TNXB: variants seen among roughly 807,000 people sequenced by gnomAD.
The protein encoded by TNXB is tenascin XB, also known as tenascin-X.
TNXB carries 183 observed loss-of-function variants against 340.5 expected under a neutral mutation model. The ratio of observed to expected loss-of-function variants is 0.54; its 90% CI spans 0.48 to 0.61. The LOEUF (loss-of-function observed/expected upper bound fraction) is 0.61, where lower values mean the gene tolerates loss of function less well. TNXB is among the 20% of genes least tolerant of loss of function. The pLI is 0.00. For missense variants in TNXB, 4,613 were observed against 5,446.4 expected (o/e 0.85, Z 4.82); for synonymous variants, 2,121 against 2,314.5 (o/e 0.92, Z 2.40).
chr6:32,049,172 C>T lies in TNXB; in HGVS notation c.9757+98G>A, dbSNP rs1024119251. ...AGCAACATGGGAGAAAAGACAGAAA[C>T]CTAGAGGCCCAGTCAAAAGAGGTGC... On this transcript the variant is annotated intron_variant, in intron 28 of 43. Transcript: ENST00000644971. This position sits in a 1 kb window ranked among gnomAD's most constrained non-coding sequence, Gnocchi z 4.5. 5 of 1,434,696 alleles carry T rather than the reference C, an allele frequency of 3.5e-6. No individual in the cohort carries two copies. Among genetic ancestry groups the T allele is most frequent in the Non-Finnish European group, 4.6e-6 (5 of 1,085,746 alleles). The allele number at this position is 1,434,696 out of a possible 1,614,324, so 88.9% of individuals were successfully genotyped here. A position where few individuals can be genotyped will look rare whatever the true frequency, so the allele number is the denominator to read the frequency against.
chr6:32,079,486 T>A lies in TNXB; in HGVS notation c.4043-121A>T, dbSNP rs1779317611. ...GGCTCTGTAGCCTTTGTATTTGCCATTCGGTCACTCACGGATGGAGAAGGC... is the reference window on the plus strand; with the variant it reads ...GGCTCTGTAGCCTTTGTATTTGCCAATCGGTCACTCACGGATGGAGAAGGC... On this transcript the variant is annotated intron_variant, in intron 10 of 43. Coordinates refer to ENST00000644971, the MANE Select transcript of TNXB (RefSeq NM_001365276.2). The surrounding 1 kb of genome is among the most constrained non-coding windows in gnomAD (Gnocchi z 7.1). 1 of 841,298 alleles carries A rather than the reference T, an allele frequency of 1.2e-6. No homozygotes were observed. The highest frequency in any genetic ancestry group is 2.9e-5 in the Admixed American group (1 of 34,204). The allele number at this position is 841,298 out of a possible 1,614,324, so 52.1% of individuals were successfully genotyped here. A position where few individuals can be genotyped will look rare whatever the true frequency, so the allele number is the denominator to read the frequency against.
intron 22 of TNXB, among the ~76,000 whole-genome samples, chr6:32,057,827 C>T (rs757158436): frequency 2.6e-5 from 4 of 152,152 alleles, no homozygotes; most frequent in Admixed American, 6.5e-5. Flanking sequence ...GTGACTTAGG[C>T]GTCCCTGTCT....
chr6:32,046,068 C>T lies in TNXB; in HGVS notation c.10606+107G>A, dbSNP rs928277853. The T allele has an allele frequency of 5.1e-5, 75 of 1,480,214 alleles. No individual in the cohort carries two copies. The highest frequency in any genetic ancestry group is 2.8e-4 in the East Asian group (12 of 42,620). The allele number at this position is 1,480,214 out of a possible 1,614,324, so 91.7% of individuals were successfully genotyped here. The stretch of plus-strand genomic sequence containing the variant: ...CCTCCTTCCTGGGGACAGGCCAGGG[C>T]GCCCCACTCCGGCCTGCCCACTCCT... On this transcript the variant is annotated intron_variant, in intron 31 of 43. Coordinates refer to ENST00000644971, the MANE Select transcript of TNXB (RefSeq NM_001365276.2). The surrounding 1 kb of genome is among the most constrained non-coding windows in gnomAD (Gnocchi z 6.9).
chr6:32,048,379 A>G lies in TNXB; in HGVS notation c.10029T>C (p.Pro3343=), dbSNP rs1777034329. Residue 3343 remains proline, a synonymous_variant, in exon 29 of 44, where the codon CCT becomes CCC. Transcript: ENST00000644971. The part of the protein sequence containing the change: ...LQNGKRHGPV[P]VEARTAPDTK... Reference sequence around the variant, plus strand: ...CTCACTCACCGGTCCTGGCCTCCACAGGGACTGGGCCGTGGCGTTTCCCAT... The same window carrying G: ...CTCACTCACCGGTCCTGGCCTCCACGGGGACTGGGCCGTGGCGTTTCCCAT... The G allele has an allele frequency of 2.0e-6, 3 of 1,504,374 alleles. No individual in the cohort carries two copies. The highest frequency in any genetic ancestry group is 1.8e-6 in the Non-Finnish European group (2 of 1,123,616). 93.2% of individuals were successfully genotyped at this position (1,504,374 alleles called of 1,614,324 possible).
chr6:32,095,951 C>T lies in TNXB; in HGVS notation c.1902G>A (p.Gly634=). 6.2e-7 allele frequency: 1 copy of T among 1,613,064 alleles called. No homozygotes were observed. Among genetic ancestry groups the T allele is most frequent in the East Asian group, 2.2e-5 (1 of 44,864 alleles). Reference sequence around the variant, plus strand: ...TGTAGCCTGGGTCGCACAGGCAGCGCCCTTCCTCACAGCGGCCCCTCCCGT... The same window carrying T: ...TGTAGCCTGGGTCGCACAGGCAGCGTCCTTCCTCACAGCGGCCCCTCCCGT... ...NCHGRGRCEE[G]RCLCDPGYTG... Residue 634 remains glycine, a synonymous_variant, in exon 3 of 44, where the codon GGG becomes GGA. Coordinates refer to ENST00000644971, the MANE Select transcript of TNXB (RefSeq NM_001365276.2).
chr6:32,107,094 G>A (rs1351058079), intron 1 of TNXB, among the ~76,000 whole-genome samples: 1 of 152,244 alleles, frequency 6.6e-6, no homozygotes, highest in Non-Finnish European at 1.5e-5. Flanking sequence ...GCAGCTCTGT[G>A]AGTGAAAGAA....
At position 32,062,352 on chromosome 6, in the gene TNXB, C is replaced by A. The variant is rs140304758; in HGVS notation, c.6973G>T (p.Val2325Phe). Residue 2325 changes from valine (V) to phenylalanine (F), a missense_variant, in exon 20 of 44, where the codon GTT becomes TTT. Physicochemically the swap from Val to Phe is conservative, Grantham distance 50. Around this residue, in one of 7 missense-constraint regions of TNXB, gnomAD observed 4,327 missense variants for 4,859.4 expected, o/e 0.89. Coordinates refer to ENST00000644971, the MANE Select transcript of TNXB (RefSeq NM_001365276.2). This position sits in a 1 kb window ranked among gnomAD's most constrained non-coding sequence, Gnocchi z 4.3. ...AAGTGGTCAAACTGTCCCTCGGGAACCGTCCAGGACAGGCTGAGGGAGTCA... is the reference window on the plus strand; with the variant it reads ...AAGTGGTCAAACTGTCCCTCGGGAAACGTCCAGGACAGGCTGAGGGAGTCA... ...TPDSLSLSWT[V>F]PEGQFDHFLV... 3.1e-6 allele frequency: 5 copies of A among 1,613,442 alleles called. No individual in the cohort carries two copies. In the African/African-American group the frequency reaches 5.3e-5, roughly 17 times the overall value.
At chr6:32,057,498 C>T (rs1777736909) in intron 22 of TNXB, among the ~76,000 whole-genome samples, 1 of 152,206 alleles carries the variant, frequency 6.6e-6, no homozygotes, top group Admixed American at 6.5e-5. Flanking sequence ...TCTTCAGCCC[C>T]CACGGATGAG....
Position 32,068,878 on chromosome 6 carries a change from A to G in TNXB, c.5846T>C (p.Leu1949Pro), listed in dbSNP as rs1345295731. ...ATGCTTCCCATCACTGAAACCATACAGGGTCACCAGGTATCTGTGGTCGGA... is the reference window on the plus strand; with the variant it reads ...ATGCTTCCCATCACTGAAACCATACGGGGTCACCAGGTATCTGTGGTCGGA... ...LESDHRYLVTLYGFSDGKHVG... is the reference protein window; with the variant it reads ...LESDHRYLVTPYGFSDGKHVG... Residue 1949 changes from leucine (L) to proline (P), a missense_variant, in exon 16 of 44, where the codon CTG becomes CCG. Physicochemically the swap from Leu to Pro is moderately conservative, Grantham distance 98 (BLOSUM62 -3). Coordinates refer to ENST00000644971, the MANE Select transcript of TNXB (RefSeq NM_001365276.2). The surrounding 1 kb of genome is among the most constrained non-coding windows in gnomAD (Gnocchi z 5.3). 4 of 1,612,684 alleles carry G rather than the reference A, an allele frequency of 2.5e-6. No individual in the cohort carries two copies. Among genetic ancestry groups the G allele is most frequent in the Non-Finnish European group, 2.5e-6 (3 of 1,179,688 alleles).
rs188929359 is a variant in TNXB at position 32,078,805 on chromosome 6, G to A, written c.4375+228C>T. Among the ~76,000 whole-genome samples the A allele has an allele frequency of 2.2e-4, 33 of 152,330 alleles. 1 individual carries two copies. In the East Asian group the frequency reaches 5.2e-3, roughly 24 times the overall value. On this transcript the variant is annotated intron_variant, in intron 11 of 43. Coordinates refer to ENST00000644971, the MANE Select transcript of TNXB (RefSeq NM_001365276.2). ...TTAACCCTCACAATAACTCTGTGAGGTAGGTGTCCCCATTTTACGGACAAG... is the reference window on the plus strand; with the variant it reads ...TTAACCCTCACAATAACTCTGTGAGATAGGTGTCCCCATTTTACGGACAAG...
chr6:32,092,756 C>T (rs1780137631), intron 4 of TNXB, among the ~76,000 whole-genome samples: 2 of 151,906 alleles, frequency 1.3e-5, no homozygotes, highest in South Asian at 2.1e-4. Flanking sequence ...GCAGAAGGTA[C>T]GATGCCAGGG....
intron 31 of TNXB, chr6:32,045,797 G>A (rs1157261676): frequency 9.3e-7 from 1 of 1,071,228 alleles, no homozygotes; most frequent in Non-Finnish European, 1.1e-6. Context: ...GTTTTCCAGT[G>A]ATGTTCCTCT....
At position 32,062,840 on chromosome 6, in the gene TNXB, G is replaced by A. The variant is rs938810897; in HGVS notation, c.6842-357C>T. ...GGAGGCCGAGGCGGGCGGATCATGA[G>A]GTCAGGAGATTGAGACCATCCTGGC... is the stretch of plus-strand genomic sequence containing the variant. On this transcript the variant is annotated intron_variant, in intron 19 of 43. Transcript: ENST00000644971. The surrounding 1 kb of genome is among the most constrained non-coding windows in gnomAD (Gnocchi z 4.3). 7.9e-5 allele frequency among the ~76,000 whole-genome samples: 12 copies of A among 151,736 alleles called. No homozygotes were observed. Among genetic ancestry groups the A allele is most frequent in the Non-Finnish European group, 1.6e-4 (11 of 67,964 alleles).
intron 1 of TNXB, 108 bp from the exon 2 acceptor site, chr6:32,098,314 C>G: frequency 1.1e-6 from 1 of 917,614 alleles, no homozygotes; most frequent in East Asian, 2.7e-5. Context: ...GTAATCTACC[C>G]AACTCACATG....
At chr6:32,053,262 G>A (rs1777406280) in intron 25 of TNXB, 126 bp downstream of exon 25, 2 of 1,431,486 alleles carry the variant, frequency 1.4e-6, no homozygotes, top group Admixed American at 2.2e-5. Context: ...CAGGGAAGTG[G>A]GGAAAGACAA....
rs1778517594 is a variant in TNXB, at chr6:32,068,280, G to A, written c.6220+110C>T. ...GGAGCCCCAGCCCCAGCCACAAGCA[G>A]GTCTGTGGTGCTGACCAGACCCTTG... On this transcript the variant is annotated intron_variant, in intron 17 of 43. Transcript: ENST00000644971. The surrounding 1 kb of genome is among the most constrained non-coding windows in gnomAD (Gnocchi z 5.3). 4 of 1,449,000 alleles carry A rather than the reference G, an allele frequency of 2.8e-6. No homozygotes were observed. Among genetic ancestry groups the A allele is most frequent in the Admixed American group, 4.2e-5 (2 of 47,388 alleles). The allele number at this position is 1,449,000 out of a possible 1,614,324, so 89.8% of individuals were successfully genotyped here.
chr6:32,098,796 T>C (rs552581869), intron 1 of TNXB, among the ~76,000 whole-genome samples: 6 of 152,072 alleles, frequency 3.9e-5, no homozygotes, highest in African/African-American at 7.3e-5. Flanking sequence ...TGGTCTTTTG[T>C]TTTTCCCACG....
chr6:32,079,341 G>T lies in TNXB; in HGVS notation c.4067C>A (p.Thr1356Asn), dbSNP rs1779306868. The T allele has an allele frequency of 6.2e-7, 1 of 1,610,048 alleles. No individual in the cohort carries two copies. Among genetic ancestry groups the T allele is most frequent in the South Asian group, 1.1e-5 (1 of 90,994 alleles). The change falls in exon 11 of 44, where the codon ACC (threonine) becomes AAC (asparagine). Residue 1356 changes from threonine to asparagine, a missense_variant. Coordinates refer to ENST00000644971, the MANE Select transcript of TNXB (RefSeq NM_001365276.2). The surrounding 1 kb of genome is among the most constrained non-coding windows in gnomAD (Gnocchi z 7.1). ...KTAPQEDVDE[T>N]PSPTELGTEA... is the part of the protein sequence containing the mutation. ...CGTGCCCAGTTCTGTGGGGCTGGGGGTCTCGTCCACATCCTCCTGAGGAGC... is the reference window on the plus strand; with the variant it reads ...CGTGCCCAGTTCTGTGGGGCTGGGGTTCTCGTCCACATCCTCCTGAGGAGC...
At chr6:32,103,634 A>G (rs1436768408) in intron 1 of TNXB, among the ~76,000 whole-genome samples, 3 of 151,742 alleles carry the variant, frequency 2.0e-5, no homozygotes, top group African/African-American at 4.8e-5. Context: ...GGGCTTCCCA[A>G]TGACTTCGGT....
Sources: allele counts gnomAD v4.1 joint callset (sites outside exome capture counted in the v4.1 genomes callset), GRCh38; gene constraint gnomAD v4.1.1; regional missense constraint gnomAD v4.1.1; non-coding constraint Gnocchi (gnomAD v3.1); transcripts MANE v1.5; gene names NCBI Gene and HGNC (gene_info 2026-07-23, HGNC 2026-07-21).